The following IQCK variants were observed in gnomAD, a reference collection of about 807,000 sequenced individuals.
IQCK encodes the protein IQ domain-containing protein K.
A neutral mutation model predicts 28.1 loss-of-function variants in IQCK; 29 were observed. The ratio of observed to expected loss-of-function variants is 1.03; its 90% CI spans 0.77 to 1.41. IQCK has a LOEUF of 1.41. Among genes scored for constraint, IQCK ranks in the 40% most tolerant of loss-of-function variants. IQCK has a pLI of 0.00. For synonymous variants in IQCK, 113 were observed against 115.1 expected, an observed-to-expected ratio of 0.98 and a Z score of 0.12; for missense variants, 359 against 314.7, an observed-to-expected ratio of 1.14 and a Z score of -1.07.
At chr16:19,730,755 A>G (rs569108724) in intron 2 of IQCK, among the ~76,000 whole-genome samples, 7 of 122,694 alleles carry the variant, frequency 5.7e-5, no homozygotes, top group East Asian at 2.1e-4. Context: ...CTATCTATCT[A>G]TCTTATCTTA....
At chr16:19,736,022 C>T in intron 4 of IQCK, 3 of 440,012 alleles carry the variant, frequency 6.8e-6, no homozygotes, top group Non-Finnish European at 1.4e-5. Context: ...TCCATGATCA[C>T]GTCACTGCAC....
chr16:19,782,210 C>T (rs2055494798), intron 6 of IQCK, among the ~76,000 whole-genome samples: 1 of 151,504 alleles, frequency 6.6e-6, no homozygotes, highest in Admixed American at 6.6e-5. Flanking sequence ...AAGAAAACAA[C>T]TTAATCTCTT....
chr16:19,719,871 C>T (rs1335948913), intron 1 of IQCK, among the ~76,000 whole-genome samples: 1 of 151,662 alleles, frequency 6.6e-6, no homozygotes, highest in African/African-American at 2.4e-5. Flanking sequence ...AGGGGTTTCA[C>T]CATTTTGGCC....
intron 6 of IQCK, among the ~76,000 whole-genome samples, chr16:19,786,254 G>A (rs2055560016): frequency 6.6e-6 from 1 of 152,170 alleles, no homozygotes; most frequent in Non-Finnish European, 1.5e-5. Context: ...GACATTTAAT[G>A]TGGAAAACAG....
intron 1 of IQCK, among the ~76,000 whole-genome samples, chr16:19,727,552 ACTC>A (rs1597496230): frequency 6.8e-6 from 1 of 147,012 alleles, no homozygotes; most frequent in East Asian, 2.0e-4. Context: ...GTGCCACTGC[ACTC>A]CAGCCTGGGC....
At chr16:19,799,636 ACACACC>A (rs1450613048) in intron 7 of IQCK, among the ~76,000 whole-genome samples, 12 of 136,922 alleles carry the variant, frequency 8.8e-5, no homozygotes, top group Non-Finnish European at 1.5e-4. Context: ...ACACACACAC[ACACACC>A]CAGTGAATAC....
At chr16:19,783,156 G>A (rs1412482586) in intron 6 of IQCK, among the ~76,000 whole-genome samples, 7 of 151,888 alleles carry the variant, frequency 4.6e-5, no homozygotes, top group Admixed American at 2.6e-4. Context: ...CCGCCACTAC[G>A]CCCAGCTAAT....
intron 1 of IQCK, among the ~76,000 whole-genome samples, chr16:19,718,750 C>T (rs1488582668): frequency 2.0e-5 from 3 of 152,290 alleles, no homozygotes; most frequent in African/African-American, 7.2e-5. Context: ...TAAAGAGAAC[C>T]ATGCGGTGTG....
At chr16:19,811,301 T>C (rs1022924808) in intron 7 of IQCK, among the ~76,000 whole-genome samples, 1 of 152,198 alleles carries the variant, frequency 6.6e-6, no homozygotes, top group Admixed American at 6.5e-5. Flanking sequence ...TACAATGATA[T>C]GGTCTCTAGC....
At chr16:19,727,749 A>G (rs1001715593) in intron 1 of IQCK, among the ~76,000 whole-genome samples, 2 of 152,226 alleles carry the variant, frequency 1.3e-5, no homozygotes, top group East Asian at 3.9e-4. Flanking sequence ...GTAATCAGAC[A>G]GAAGTATAAA....
intron 4 of IQCK, among the ~76,000 whole-genome samples, chr16:19,758,967 A>G (rs904109042): frequency 6.6e-6 from 1 of 152,214 alleles, no homozygotes; most frequent in African/African-American, 2.4e-5. Context: ...GCCATTTCAA[A>G]CTAAAGAGGA....
At chr16:19,721,277 A>T (rs1430907724) in intron 1 of IQCK, among the ~76,000 whole-genome samples, 1 of 152,250 alleles carries the variant, frequency 6.6e-6, no homozygotes, top group Non-Finnish European at 1.5e-5. Flanking sequence ...GACCTGCCAG[A>T]AACTCAATTT....
intron 7 of IQCK, among the ~76,000 whole-genome samples, chr16:19,798,763 TGACA>T (rs914447572): frequency 7.5e-5 from 1 of 13,322 alleles, no homozygotes; most frequent in Non-Finnish European, 1.2e-4. Context: ...TCTTTTTTTT[TGACA>T]GACAGTGTCT....
At chr16:19,739,729 C>A (rs1285574180) in intron 4 of IQCK, among the ~76,000 whole-genome samples, 1 of 152,096 alleles carries the variant, frequency 6.6e-6, no homozygotes, top group Non-Finnish European at 1.5e-5. Flanking sequence ...GTGGGAGAAT[C>A]ACTTGAACCC....
At chr16:19,804,444 T>C (rs1474698588) in intron 7 of IQCK, among the ~76,000 whole-genome samples, 1 of 152,054 alleles carries the variant, frequency 6.6e-6, no homozygotes, top group Admixed American at 6.6e-5. Flanking sequence ...TTTTTTGTTG[T>C]TGTTGTATTT....
At chr16:19,838,634 T>C (rs1351582433) in intron 9 of IQCK, among the ~76,000 whole-genome samples, 1 of 152,194 alleles carries the variant, frequency 6.6e-6, no homozygotes, top group Non-Finnish European at 1.5e-5. Flanking sequence ...TCCGCAATCC[T>C]CATAGCAGCT....
intron 4 of IQCK, among the ~76,000 whole-genome samples, chr16:19,743,651 G>A (rs894865410): frequency 2.0e-4 from 31 of 152,216 alleles, no homozygotes; most frequent in Non-Finnish European, 4.1e-4. Context: ...AGAAGCTTAA[G>A]TTCACAGCTA....
intron 6 of IQCK, among the ~76,000 whole-genome samples, chr16:19,772,861 A>T (rs1444544301): frequency 2.0e-5 from 3 of 151,902 alleles, no homozygotes; most frequent in Admixed American, 1.3e-4. Flanking sequence ...AAATCAGCTG[A>T]TCATGGTGGT....
intron 7 of IQCK, among the ~76,000 whole-genome samples, chr16:19,810,269 G>T (rs1046429528): frequency 2.6e-5 from 4 of 152,058 alleles, no homozygotes; most frequent in Admixed American, 1.3e-4. Flanking sequence ...GGCCGAGGCG[G>T]GCGGATCACG....
Sources: gnomAD v4.1 joint callset for allele counts (sites outside exome capture counted in the v4.1 genomes callset) on GRCh38, gnomAD v4.1.1 for gene constraint, MANE v1.5 for transcripts, NCBI Gene and HGNC (gene_info 2026-07-23, HGNC 2026-07-21) for gene names.